Variants in PDE4D observed in about 807,000 individuals in gnomAD.
PDE4D encodes the protein phosphodiesterase 4D.
A neutral mutation model predicts 87.4 loss-of-function variants in PDE4D; 24 were observed. The ratio of observed to expected loss-of-function variants is 0.27; its 90% CI spans 0.20 to 0.39. The LOEUF is 0.39. Among genes scored for constraint, PDE4D ranks in the 10% least tolerant of loss-of-function variants. PDE4D has a pLI of 1.00. For synonymous variants in PDE4D, 384 were observed against 383.2 expected (o/e 1.00, Z -0.02); for missense variants, 714 against 1,041.0 (o/e 0.69, Z 4.32).
At chr5:60,104,637 C>T (rs1776657896) in intron 2 of PDE4D, among the ~76,000 whole-genome samples, 1 of 152,192 alleles carries the variant, frequency 6.6e-6, no homozygotes, top group African/African-American at 2.4e-5. Context: ...TGACACCACA[C>T]ACGGCCAAGT....
chr5:59,870,398 T>C lies in PDE4D; in HGVS notation c.455+22770A>G, dbSNP rs116697633. On this transcript the variant is annotated intron_variant, in intron 1 of 14. Transcript: ENST00000340635. ...CATATATAAATGTAACAAATGCACATGTTCAGTTTTAAGAAGTACACTCGA... is the reference window on the plus strand; with the variant it reads ...CATATATAAATGTAACAAATGCACACGTTCAGTTTTAAGAAGTACACTCGA... Among the ~76,000 whole-genome samples the C allele has an allele frequency of 2.7e-3, 415 of 152,328 alleles. 2 individuals carry two copies. The highest frequency in any genetic ancestry group is 9.4e-3 in the African/African-American group (391 of 41,576).
At chr5:59,867,485 G>A (rs1747218928) in intron 1 of PDE4D, among the ~76,000 whole-genome samples, 1 of 152,158 alleles carries the variant, frequency 6.6e-6, no homozygotes, top group African/African-American at 2.4e-5. Flanking sequence ...AAATAGTCAT[G>A]TGAGGGTAAG....
chr5:59,566,462 T>TA lies in PDE4D; in HGVS notation c.455+326705dup, dbSNP rs952735497. ...ACATTCCTGATTTTCCCTGAACAGA[T>TA]AAAAAAACCCTTCACAGATTTTTGA... is the stretch of plus-strand genomic sequence containing the variant. On this transcript the variant is annotated intron_variant, in intron 1 of 14. Transcript: ENST00000340635. 1.1e-4 allele frequency among the ~76,000 whole-genome samples: 17 copies of TA among 152,098 alleles called. No homozygotes were observed. The East Asian group carries it at 1.3e-3, about 12-fold the overall frequency.
At chr5:59,887,637 A>T (rs943112223) in intron 1 of PDE4D, among the ~76,000 whole-genome samples, 1 of 152,116 alleles carries the variant, frequency 6.6e-6, no homozygotes, top group Non-Finnish European at 1.5e-5. Flanking sequence ...TTATTATTCT[A>T]TTTGATCTTT....
At chr5:60,006,244 G>A (rs1488591212) in intron 2 of PDE4D, among the ~76,000 whole-genome samples, 1 of 151,462 alleles carries the variant, frequency 6.6e-6, no homozygotes, top group Non-Finnish European at 1.5e-5. Context: ...TATTAGGTTG[G>A]GCGAAAGCAA....
At chr5:59,567,102 A>C (rs1040938750) in intron 1 of PDE4D, among the ~76,000 whole-genome samples, 2 of 152,230 alleles carry the variant, frequency 1.3e-5, no homozygotes, top group Non-Finnish European at 2.9e-5. Flanking sequence ...GCAAGATCTT[A>C]AAATTGTTTT....
intron 1 of PDE4D, among the ~76,000 whole-genome samples, chr5:59,845,837 G>A (rs1743758520): frequency 6.6e-6 from 1 of 151,920 alleles, no homozygotes; most frequent in South Asian, 2.1e-4. Flanking sequence ...TCTCATTTAT[G>A]GATTACTTCT....
intron 1 of PDE4D, among the ~76,000 whole-genome samples, chr5:59,218,790 CTAATA>C (rs1751825192): frequency 1.3e-5 from 2 of 151,936 alleles, no homozygotes; most frequent in Middle Eastern, 3.2e-3. Context: ...TTACATTAAT[CTAATA>C]TTAGTATTAG....
chr5:59,609,142 A>G (rs984905574), intron 1 of PDE4D, among the ~76,000 whole-genome samples: 4 of 152,118 alleles, frequency 2.6e-5, no homozygotes, highest in Non-Finnish European at 4.4e-5. Context: ...ATGTAGAGAG[A>G]TATGTCATAA....
chr5:59,182,526 C>A (rs1284184516), intron 4 of PDE4D, among the ~76,000 whole-genome samples: 1 of 151,846 alleles, frequency 6.6e-6, no homozygotes, highest in Non-Finnish European at 1.5e-5. Flanking sequence ...TAATTGATAT[C>A]CTGATTACTC....
At chr5:59,177,076 T>A (rs547720933) in intron 5 of PDE4D, among the ~76,000 whole-genome samples, 1 of 152,318 alleles carries the variant, frequency 6.6e-6, no homozygotes, top group South Asian at 2.1e-4. Flanking sequence ...TGAGTGCTTG[T>A]GTGCCCCTAA....
intron 1 of PDE4D, among the ~76,000 whole-genome samples, chr5:59,384,699 G>T (rs924599339): frequency 6.6e-6 from 1 of 151,930 alleles, no homozygotes; most frequent in Non-Finnish European, 1.5e-5. Context: ...CATTGTGAAT[G>T]CTCTTTCTCA....
Position 58,975,847 on chromosome 5 carries a change from A to G in PDE4D, c.1831-8T>C. ...CACCATATTCTGAAGAACCTAAAAT[A>G]GATGGATGCATTCTCTATTCACTCC... On this transcript the variant is annotated splice_region_variant and splice_polypyrimidine_tract_variant and intron_variant, in intron 13 of 14. Transcript: ENST00000340635. This position sits in a 1 kb window ranked among gnomAD's most constrained non-coding sequence, Gnocchi z 4.2. 6.9e-7 allele frequency: 1 copy of G among 1,448,794 alleles called. No individual in the cohort carries two copies. The highest frequency in any genetic ancestry group is 9.1e-7 in the Non-Finnish European group (1 of 1,093,682). The allele number at this position is 1,448,794 out of a possible 1,614,324, so 89.7% of individuals were successfully genotyped here.
chr5:59,588,790 A>G (rs1825548351), intron 1 of PDE4D, among the ~76,000 whole-genome samples: 1 of 152,164 alleles, frequency 6.6e-6, no homozygotes, highest in African/African-American at 2.4e-5. Flanking sequence ...TCTTGAGAAT[A>G]TTTGTTGAGA....
intron 1 of PDE4D, among the ~76,000 whole-genome samples, chr5:59,757,199 C>T (rs1314186821): frequency 6.6e-6 from 1 of 152,104 alleles, no homozygotes; most frequent in South Asian, 2.1e-4. Context: ...AATGTCAACA[C>T]ATTCAGTCTG....
At chr5:58,996,682 T>C (rs1287506945) in intron 6 of PDE4D, among the ~76,000 whole-genome samples, 1 of 152,188 alleles carries the variant, frequency 6.6e-6, no homozygotes, top group East Asian at 1.9e-4. Flanking sequence ...ATAAGGATTA[T>C]GTTGCCCAAA....
intron 3 of PDE4D, among the ~76,000 whole-genome samples, chr5:59,900,843 A>G (rs1752184665): frequency 6.6e-6 from 1 of 152,192 alleles, no homozygotes; most frequent in Admixed American, 6.5e-5. Flanking sequence ...ATTAGGCCCA[A>G]CTACCAAAGG....
At chr5:59,494,702 A>G (rs1003204294) in intron 1 of PDE4D, among the ~76,000 whole-genome samples, 2 of 152,174 alleles carry the variant, frequency 1.3e-5, no homozygotes, top group East Asian at 1.9e-4. Context: ...TTCTCTTTCA[A>G]AAAACCAAGA....
chr5:59,825,173 A>G (rs1405173835), intron 1 of PDE4D, among the ~76,000 whole-genome samples: 4 of 152,224 alleles, frequency 2.6e-5, no homozygotes, highest in African/African-American at 9.6e-5. Context: ...AGAGCCTTTC[A>G]CATGTGATAC....
Sources: gnomAD v4.1 joint callset for allele counts (sites outside exome capture counted in the v4.1 genomes callset) on GRCh38, gnomAD v4.1.1 for gene constraint, Gnocchi (gnomAD v3.1) non-coding constraint, MANE v1.5 for transcripts, NCBI Gene and HGNC (gene_info 2026-07-23, HGNC 2026-07-21) for gene names.